The following ADGRF3 variants were observed in gnomAD, a reference collection of about 807,000 sequenced individuals.
ADGRF3 encodes adhesion G protein-coupled receptor F3, also known as G protein-coupled receptor 113.
A neutral mutation model predicts 93.2 loss-of-function variants in ADGRF3; 85 were observed. That is an observed-to-expected ratio of 0.91 (90% CI 0.77 to 1.09). The LOEUF is 1.09. Ranked by LOEUF, ADGRF3 falls within the 50% of genes least tolerant of loss-of-function variation. ADGRF3 has a pLI of 0.00. For synonymous variants in ADGRF3, 534 were observed against 532.5 expected (o/e 1.00, Z -0.04); for missense variants, 1,125 against 1,246.2 (o/e 0.90, Z 1.46).
chr2:26,313,388 T>C lies in ADGRF3; in HGVS notation c.1258A>G (p.Thr420Ala), dbSNP rs1326125750. Residue 420 changes from threonine to alanine, a missense_variant, in exon 8 of 14, where the codon ACT becomes GCT. Thr to Ala is a moderately conservative substitution (Grantham distance 58). Coordinates refer to ENST00000651242, the MANE Select transcript of ADGRF3 (RefSeq NM_001321971.2). ...GGTGGAAGCTTCACCTTGGTTCTAG[T>C]GAACAAGGCCAGGAGCCTCGCATCT... ...CTDARLLALF[T>A]RTKLLQAGQG... 6.3e-7 allele frequency: 1 copy of C among 1,592,776 alleles called. No individual in the cohort carries two copies. Among genetic ancestry groups the C allele is most frequent in the African/African-American group, 1.3e-5 (1 of 74,344 alleles).
chr2:26,317,038 C>T lies in ADGRF3; in HGVS notation c.199G>A (p.Val67Ile), dbSNP rs757218422. The change falls in exon 3 of 14, where the codon GTC becomes ATC. Residue 67 changes from valine to isoleucine, a missense_variant. By Grantham distance (29) the Val-to-Ile change is conservative. Transcript: ENST00000651242. ...NGAGESALVSVYVHLDFPDKT... is the reference protein window; with the variant it reads ...NGAGESALVSIYVHLDFPDKT... ...TCTGGAAAGTCCAGATGTACATAGA[C>T]GGAGACCAGCGCTGATTCTACAGGA... 4.7e-5 allele frequency: 76 copies of T among 1,611,658 alleles called. No individual in the cohort carries two copies. Among genetic ancestry groups the T allele is most frequent in the Middle Eastern group, 1.7e-4 (1 of 6,042 alleles).
At chr2:26,313,143 T>C (rs1239540984) in intron 8 of ADGRF3, 21 bp from the exon 9 acceptor site, 2 of 1,612,796 alleles carry the variant, frequency 1.2e-6, no homozygotes, top group Non-Finnish European at 1.7e-6. Context: ...CGAGACAGCA[T>C]GAAGTGGGAC....
At chr2:26,341,870 G>A (rs940403792) in intron 1 of ADGRF3, among the ~76,000 whole-genome samples, 1 of 151,900 alleles carries the variant, frequency 6.6e-6, no homozygotes, top group Non-Finnish European at 1.5e-5. Flanking sequence ...TCAGGAGATC[G>A]AGACCATCCT....
intron 1 of ADGRF3, among the ~76,000 whole-genome samples, chr2:26,345,051 G>T (rs1209977431): frequency 1.3e-5 from 2 of 152,164 alleles, no homozygotes; most frequent in Non-Finnish European, 2.9e-5. Context: ...GCTCCCTGAA[G>T]TAGTGGTTTC....
intron 1 of ADGRF3, among the ~76,000 whole-genome samples, chr2:26,343,137 G>C (rs1676482812): frequency 6.6e-6 from 1 of 151,024 alleles, no homozygotes; most frequent in South Asian, 2.1e-4. Flanking sequence ...CATTTTGACA[G>C]CTAGGATGTC....
At chr2:26,319,433 A>G (rs1444555499) in intron 1 of ADGRF3, among the ~76,000 whole-genome samples, 2 of 152,150 alleles carry the variant, frequency 1.3e-5, no homozygotes, top group African/African-American at 2.4e-5. Context: ...TCAAACAGTC[A>G]AGGTTACAAA....
chr2:26,310,564 C>A lies in ADGRF3; in HGVS notation c.2832+128G>T, dbSNP rs1037788135. ...CTCAGTGGAGGAACTGGGATCCACA[C>A]CTAAGCCTTCCAAAATTCCTGAACC... is the stretch of plus-strand genomic sequence containing the variant. On this transcript the variant is annotated intron_variant, in intron 10 of 13. Coordinates refer to ENST00000651242, the MANE Select transcript of ADGRF3 (RefSeq NM_001321971.2). 6.0e-6 allele frequency: 6 copies of A among 996,970 alleles called. No homozygotes were observed. The African/African-American group carries it at 8.2e-5, about 14-fold the overall frequency. 61.8% of individuals were successfully genotyped at this position (996,970 alleles called of 1,614,324 possible).
intron 1 of ADGRF3, chr2:26,345,773 C>T (rs1033295855): frequency 1.6e-4 from 51 of 327,256 alleles, no homozygotes; most frequent in African/African-American, 1.0e-3. Flanking sequence ...AACGGTATAC[C>T]CCAGATCACC....
intron 10 of ADGRF3, 30 bp downstream of exon 10, chr2:26,310,662 A>C (rs1673992462): frequency 6.3e-7 from 1 of 1,589,186 alleles, no homozygotes; most frequent in Non-Finnish European, 8.6e-7. Context: ...CTAAAAAAGC[A>C]AAAAACACAG....
At chr2:26,345,927 G>T in intron 1 of ADGRF3, 194 bp downstream of exon 1, 1 of 572,394 alleles carries the variant, frequency 1.7e-6, no homozygotes, top group Non-Finnish European at 3.0e-6. Flanking sequence ...GAAGAGAGCT[G>T]GAAGGCGGGA....
At position 26,311,070 on chromosome 2, in the gene ADGRF3, C is replaced by A. The variant is rs1338593090; in HGVS notation, c.2454G>T (p.Met818Ile). The A allele has an allele frequency of 3.1e-6, 5 of 1,607,654 alleles. No individual in the cohort carries two copies. The highest frequency in any genetic ancestry group is 4.2e-6 in the Non-Finnish European group (5 of 1,177,172). The change falls in exon 10 of 14, where the codon ATG becomes ATT. Residue 818 changes from methionine to isoleucine, a missense_variant. Met to Ile is a conservative substitution (Grantham distance 10, BLOSUM62 1). Coordinates refer to ENST00000651242, the MANE Select transcript of ADGRF3 (RefSeq NM_001321971.2). ...GTGGGCACAGGTAGCCCAGGAGCACCATGAGGGGGAGAACTCGGTGCTTTG... is the reference window on the plus strand; with the variant it reads ...GTGGGCACAGGTAGCCCAGGAGCACAATGAGGGGGAGAACTCGGTGCTTTG... Reference protein sequence around the residue: ...QLAKHRVLPLMVLLGYLCPLG... With the variant: ...QLAKHRVLPLIVLLGYLCPLG...
intron 1 of ADGRF3, among the ~76,000 whole-genome samples, chr2:26,336,781 A>C (rs1004312449): frequency 3.4e-5 from 5 of 149,154 alleles, no homozygotes; most frequent in Non-Finnish European, 7.4e-5. Flanking sequence ...AGGAAGTTTC[A>C]AGGAAATAAC....
Position 26,332,871 on chromosome 2 carries a change from C to A in ADGRF3, c.114+13250G>T, listed in dbSNP as rs1352672666. ...GTCTCAAGCAATCCTCCCACCTCAG[C>A]CTCCCAAAGTGCAGGGATTATAGGC... On this transcript the variant is annotated intron_variant, in intron 1 of 13. Transcript: ENST00000651242. Among the ~76,000 whole-genome samples, 5 of 152,138 alleles carry A rather than the reference C, an allele frequency of 3.3e-5. No individual in the cohort carries two copies. In the East Asian group the frequency reaches 9.6e-4, roughly 29 times the overall value.
At chr2:26,346,062 G>A in intron 1 of ADGRF3, 59 bp downstream of exon 1, 1 of 1,497,788 alleles carries the variant, frequency 6.7e-7, no homozygotes, top group Non-Finnish European at 9.0e-7. Flanking sequence ...GCACTGAGAG[G>A]CGGCCGAAGG....
intron 1 of ADGRF3, among the ~76,000 whole-genome samples, chr2:26,344,006 G>C (rs1442755192): frequency 6.6e-6 from 1 of 152,182 alleles, no homozygotes; most frequent in Non-Finnish European, 1.5e-5. Context: ...ACAATTTTAA[G>C]AATCAATCAT....
intron 1 of ADGRF3, among the ~76,000 whole-genome samples, chr2:26,326,440 T>C (rs541365222): frequency 3.5e-4 from 53 of 152,290 alleles, no homozygotes; most frequent in African/African-American, 1.2e-3. Flanking sequence ...GAAGTGGAAG[T>C]TCCTTTCCCT....
intron 3 of ADGRF3, 46 bp downstream of exon 3, chr2:26,316,866 A>G (rs1234644000): frequency 6.4e-7 from 1 of 1,550,680 alleles, no homozygotes; most frequent in African/African-American, 1.4e-5. Flanking sequence ...GAGGCCCGGG[A>G]GCCTATGTTC....
intron 1 of ADGRF3, chr2:26,318,962 T>G: frequency 6.4e-7 from 1 of 1,551,730 alleles, no homozygotes. Context: ...CCAGTCTCAC[T>G]TACAGGTTGG....
intron 4 of ADGRF3, 174 bp from the exon 5 acceptor site, chr2:26,315,914 CA>C (rs1236646390): frequency 6.0e-6 from 6 of 1,005,968 alleles, no homozygotes; most frequent in Non-Finnish European, 8.6e-6. Flanking sequence ...TGCTGCAATC[CA>C]GCCTGGAAGA....
Sources: allele counts gnomAD v4.1 joint callset (sites outside exome capture counted in the v4.1 genomes callset), GRCh38; gene constraint gnomAD v4.1.1; transcripts MANE v1.5; gene names NCBI Gene and HGNC (gene_info 2026-07-23, HGNC 2026-07-21).